SIK3: variants seen among roughly 807,000 people sequenced by gnomAD.
SIK3 encodes the protein SIK family kinase 3.
Under a neutral mutation model 144.2 loss-of-function variants are expected in SIK3, and 28 were observed. The observed-to-expected ratio is 0.19, with a 90% CI of 0.14 to 0.27. SIK3 has a LOEUF of 0.27. Ranked by LOEUF, SIK3 falls within the 10% of genes least tolerant of loss-of-function variation. The probability of loss-of-function intolerance (pLI) is 1.00; values close to 1 mark genes in which losing one functional copy is unlikely to be tolerated. For synonymous variants in SIK3, 686 were observed against 676.3 expected (o/e 1.01, Z -0.22); for missense variants, 1,319 against 1,776.0 (o/e 0.74, Z 4.62).
At chr11:117,056,855 G>A (rs888204618) in intron 1 of SIK3, among the ~76,000 whole-genome samples, 1 of 151,944 alleles carries the variant, frequency 6.6e-6, no homozygotes, top group African/African-American at 2.4e-5. Context: ...AAAATGGAAG[G>A]AACTTAAAAG....
At chr11:117,038,432 C>CTG in intron 1 of SIK3, among the ~76,000 whole-genome samples, 3 of 150,970 alleles carry the variant, frequency 2.0e-5, no homozygotes, top group Non-Finnish European at 4.4e-5. Context: ...TCTCGGCTCA[C>CTG]CACAGCCTCT....
intron 2 of SIK3, among the ~76,000 whole-genome samples, chr11:116,956,061 G>A (rs1265088076): frequency 1.3e-5 from 2 of 152,134 alleles, no homozygotes; most frequent in Non-Finnish European, 2.9e-5. Flanking sequence ...GGGTGGCCAC[G>A]TCCTTCAGAA....
intron 3 of SIK3, among the ~76,000 whole-genome samples, chr11:116,933,062 T>C (rs1947706478): frequency 1.3e-5 from 2 of 152,012 alleles, no homozygotes. Context: ...TAAACCACCA[T>C]GACTGGCCTG....
intron 1 of SIK3, among the ~76,000 whole-genome samples, chr11:117,080,027 C>T (rs1363206979): frequency 6.6e-6 from 1 of 151,824 alleles, no homozygotes; most frequent in African/African-American, 2.4e-5. Context: ...GAGTGAGACT[C>T]CAACTCAATT....
chr11:116,956,335 CAAA>C (rs67306337), intron 2 of SIK3, among the ~76,000 whole-genome samples: 1 of 128,318 alleles, frequency 7.8e-6, no homozygotes, highest in African/African-American at 2.9e-5. Flanking sequence ...TTGGGAAGAC[CAAA>C]AAAAAAAAAA....
At chr11:116,965,142 T>C (rs1949481661) in intron 1 of SIK3, among the ~76,000 whole-genome samples, 1 of 152,132 alleles carries the variant, frequency 6.6e-6, no homozygotes, top group Admixed American at 6.6e-5. Flanking sequence ...AAATTCAAGA[T>C]ATAGAAGAGA....
chr11:117,035,103 C>A (rs1952437376), intron 1 of SIK3, among the ~76,000 whole-genome samples: 1 of 151,960 alleles, frequency 6.6e-6, no homozygotes, highest in Non-Finnish European at 1.5e-5. Context: ...CAGTTCTGGG[C>A]TATAATCCAA....
intron 4 of SIK3, among the ~76,000 whole-genome samples, chr11:116,907,494 A>G (rs892723908): frequency 6.6e-6 from 1 of 152,198 alleles, no homozygotes; most frequent in African/African-American, 2.4e-5. Context: ...TAAAAATAAA[A>G]AATTAGCCAG....
intron 1 of SIK3, among the ~76,000 whole-genome samples, chr11:117,051,231 G>T (rs1953225455): frequency 6.6e-6 from 1 of 152,026 alleles, no homozygotes; most frequent in Non-Finnish European, 1.5e-5. Context: ...TGGACTCCAG[G>T]ACTTACACCA....
At chr11:116,886,683 G>A (rs1944836888) in intron 6 of SIK3, among the ~76,000 whole-genome samples, 1 of 152,114 alleles carries the variant, frequency 6.6e-6, no homozygotes, top group Admixed American at 6.5e-5. Flanking sequence ...TTAAATAAAC[G>A]ATCTTAGTAT....
chr11:116,874,561 G>A (rs1021782898), intron 11 of SIK3, among the ~76,000 whole-genome samples: 4 of 152,328 alleles, frequency 2.6e-5, no homozygotes, highest in South Asian at 4.1e-4. Flanking sequence ...CTAACAGAGC[G>A]ACTCAGGGCT....
At chr11:116,904,623 A>G (rs1329146690) in intron 4 of SIK3, 5 of 152,182 alleles carry the variant, frequency 3.3e-5, no homozygotes, top group Non-Finnish European at 7.3e-5. Context: ...TCCCTACAGC[A>G]TTATTGAGAT....
At chr11:117,087,542 T>C (rs1648632215) in intron 1 of SIK3, among the ~76,000 whole-genome samples, 1 of 152,168 alleles carries the variant, frequency 6.6e-6, no homozygotes, top group Admixed American at 6.5e-5. Context: ...TCTCCTGACT[T>C]GTACTATATC....
chr11:117,008,122 C>T (rs1240885544), intron 1 of SIK3, among the ~76,000 whole-genome samples: 2 of 124,648 alleles, frequency 1.6e-5, no homozygotes, highest in Non-Finnish European at 3.5e-5. Context: ...AGGAGTTAGA[C>T]ATATCAAAAG....
chr11:116,874,095 T>C lies in SIK3; in HGVS notation c.1428-39A>G, dbSNP rs147819525. On this transcript the variant is annotated intron_variant, in intron 11 of 24. Transcript: ENST00000445177. ...GAATGACAGAGAAGTTTAGTTAACA[T>C]TCTTACTCAAAAGTGCTTATATCCC... The C allele has an allele frequency of 3.4e-4, 546 of 1,609,498 alleles. 4 individuals carry two copies. In the Middle Eastern group the frequency reaches 7.7e-3, roughly 23 times the overall value.
chr11:116,957,259 AG>A (rs1949173076), intron 1 of SIK3, among the ~76,000 whole-genome samples, 195 bp from the exon 2 acceptor site: 1 of 152,226 alleles, frequency 6.6e-6, no homozygotes, highest in Admixed American at 6.5e-5. Flanking sequence ...TTGGTCTCAA[AG>A]GAACAGACTC....
At chr11:116,918,826 G>A (rs187559764) in intron 4 of SIK3, among the ~76,000 whole-genome samples, 2 of 152,286 alleles carry the variant, frequency 1.3e-5, no homozygotes, top group Non-Finnish European at 2.9e-5. Flanking sequence ...ATACAAATTT[G>A]TAAAGTTCTA....
chr11:117,057,517 T>G (rs1953591639), intron 1 of SIK3, among the ~76,000 whole-genome samples: 1 of 152,166 alleles, frequency 6.6e-6, no homozygotes, highest in Non-Finnish European at 1.5e-5. Flanking sequence ...GAACAAGTAC[T>G]CGGTCACAGA....
intron 6 of SIK3, among the ~76,000 whole-genome samples, chr11:116,881,517 C>T (rs1186283420): frequency 6.6e-6 from 1 of 151,996 alleles, no homozygotes; most frequent in Admixed American, 6.6e-5. Flanking sequence ...AGTGTGAGTC[C>T]GTATCTGTGA....
Sources: allele counts gnomAD v4.1 joint callset (sites outside exome capture counted in the v4.1 genomes callset), GRCh38; gene constraint gnomAD v4.1.1; transcripts MANE v1.5; gene names NCBI Gene and HGNC (gene_info 2026-07-23, HGNC 2026-07-21).